AGMO: variants seen among roughly 807,000 people sequenced by gnomAD.
AGMO encodes alkylglycerol monooxygenase, also known as glyceryl-ether monooxygenase.
AGMO carries 75 observed loss-of-function variants against 60.2 expected under a neutral mutation model. The observed-to-expected ratio is 1.25, with a 90% CI of 1.03 to 1.51. The LOEUF is 1.51. Among genes scored for constraint, AGMO ranks in the 40% most tolerant of loss-of-function variants. The probability of loss-of-function intolerance (pLI) is 0.00; values close to 1 mark genes in which losing one functional copy is unlikely to be tolerated. For missense variants in AGMO, 763 were observed against 525.5 expected, an observed-to-expected ratio of 1.45 and a Z score of -4.42; for synonymous variants, 261 against 177.1, an observed-to-expected ratio of 1.47 and a Z score of -3.76.
At chr7:15,171,157 A>G in the AGMO span, among the ~76,000 whole-genome samples, 1 of 151,732 alleles carries the variant, frequency 6.6e-6, no homozygotes, top group African/African-American at 2.4e-5. Context: ...AATTTTTTGT[A>G]TTTTTAGTAG....
intron 12 of AGMO, among the ~76,000 whole-genome samples, chr7:15,315,328 CTTTTTTTTTTTTTTTT>C (rs1178276622): frequency 6.2e-5 from 3 of 48,198 alleles, no homozygotes; most frequent in East Asian, 7.4e-4. Flanking sequence ...TGGATATTTG[CTTTTTTTTTTTTTTTT>C]TTTTTTTTTT....
chr7:15,418,521 T>C (rs771682929), intron 5 of AGMO, 37 bp downstream of exon 5: 3 of 1,291,134 alleles, frequency 2.3e-6, no homozygotes, highest in African/African-American at 1.5e-5. Flanking sequence ...TCAGGCTGTT[T>C]AGGTATAAAA....
intron 3 of AGMO, among the ~76,000 whole-genome samples, chr7:15,465,143 T>C (rs1025763683): frequency 1.3e-5 from 2 of 152,056 alleles, no homozygotes; most frequent in African/African-American, 4.8e-5. Flanking sequence ...GGTTTTGTTT[T>C]TGAGTAGCCT....
At chr7:15,142,833 T>C in the AGMO span, among the ~76,000 whole-genome samples, 1 of 152,184 alleles carries the variant, frequency 6.6e-6, no homozygotes, top group African/African-American at 2.4e-5. Flanking sequence ...ATACTTAATA[T>C]TTATTGAATG....
chr7:15,476,197 G>A (rs1366015240), intron 3 of AGMO, among the ~76,000 whole-genome samples: 1 of 152,112 alleles, frequency 6.6e-6, no homozygotes, highest in African/African-American at 2.4e-5. Flanking sequence ...AAGAATCCTT[G>A]CTGCTCGAGT....
At chr7:15,474,118 A>G (rs926566517) in intron 3 of AGMO, among the ~76,000 whole-genome samples, 1 of 152,156 alleles carries the variant, frequency 6.6e-6, no homozygotes, top group Admixed American at 6.5e-5. Flanking sequence ...GAAAATGGCT[A>G]TACTGCCCAA....
intron 3 of AGMO, among the ~76,000 whole-genome samples, chr7:15,529,030 C>G (rs1034111594): frequency 4.6e-5 from 7 of 151,786 alleles, no homozygotes; most frequent in African/African-American, 1.7e-4. Flanking sequence ...TTAAAAGACA[C>G]AAAAAGACAA....
At chr7:15,549,463 T>C (rs576053479) in intron 2 of AGMO, among the ~76,000 whole-genome samples, 1 of 151,884 alleles carries the variant, frequency 6.6e-6, no homozygotes. Flanking sequence ...AATAAAAGGA[T>C]GGAGGAAGAC....
chr7:15,342,905 T>C (rs1359340468), intron 12 of AGMO, among the ~76,000 whole-genome samples: 2 of 151,634 alleles, frequency 1.3e-5, no homozygotes, highest in East Asian at 2.0e-4. Context: ...GTGTGGTTAA[T>C]AATAGGTACT....
chr7:15,507,443 G>A (rs1411782481), intron 3 of AGMO, among the ~76,000 whole-genome samples: 49 of 152,162 alleles, frequency 3.2e-4, no homozygotes, highest in South Asian at 2.1e-4. Context: ...TAGGAATTAC[G>A]TAGGACAGAG....
chr7:15,244,185 A>G (rs1782675922), intron 12 of AGMO, among the ~76,000 whole-genome samples: 1 of 152,070 alleles, frequency 6.6e-6, no homozygotes, highest in Non-Finnish European at 1.5e-5. Flanking sequence ...TACAATAAAT[A>G]GAAGGATACA....
At chr7:15,498,763 G>C (rs1283086272) in intron 3 of AGMO, among the ~76,000 whole-genome samples, 1 of 151,866 alleles carries the variant, frequency 6.6e-6, no homozygotes, top group Non-Finnish European at 1.5e-5. Flanking sequence ...ATGGTATCTG[G>C]TTTCTGTTTT....
intron 12 of AGMO, among the ~76,000 whole-genome samples, chr7:15,230,298 C>T (rs1177489092): frequency 2.6e-5 from 4 of 152,086 alleles, no homozygotes; most frequent in Non-Finnish European, 4.4e-5. Context: ...CATTTTTTCC[C>T]CTTACAGTTA....
intron 12 of AGMO, among the ~76,000 whole-genome samples, chr7:15,291,524 A>C (rs1349363077): frequency 6.6e-6 from 1 of 152,166 alleles, no homozygotes; most frequent in Non-Finnish European, 1.5e-5. Context: ...AGGAGAAAGA[A>C]ACTCTTTAGA....
At chr7:15,333,300 T>A (rs1264066379) in intron 12 of AGMO, among the ~76,000 whole-genome samples, 1 of 152,152 alleles carries the variant, frequency 6.6e-6, no homozygotes, top group African/African-American at 2.4e-5. Flanking sequence ...GAAAAAGGCT[T>A]CGTGTGTACT....
intron 12 of AGMO, among the ~76,000 whole-genome samples, chr7:15,205,538 C>T (rs1781417649): frequency 6.6e-6 from 1 of 152,052 alleles, no homozygotes; most frequent in Admixed American, 6.6e-5. Context: ...CCCTGAATCA[C>T]TAATAAGATG....
intron 4 of AGMO, among the ~76,000 whole-genome samples, chr7:15,419,240 G>A (rs985926427): frequency 6.6e-6 from 1 of 151,720 alleles, no homozygotes. Context: ...AATTTTAAAG[G>A]TCCATATTAC....
the AGMO span, among the ~76,000 whole-genome samples, chr7:15,136,885 G>T: frequency 6.6e-6 from 1 of 151,604 alleles, no homozygotes; most frequent in Admixed American, 6.6e-5. Context: ...TGCTATACAG[G>T]TGTTCCACAG....
chr7:15,558,175 C>A (rs570280103), intron 2 of AGMO, among the ~76,000 whole-genome samples: 9 of 151,514 alleles, frequency 5.9e-5, no homozygotes, highest in Admixed American at 4.0e-4. Context: ...CTGGTACTTA[C>A]AATGTTATGA....
Sources: allele counts gnomAD v4.1 joint callset (sites outside exome capture counted in the v4.1 genomes callset), GRCh38; gene constraint gnomAD v4.1.1; transcripts MANE v1.5; gene names NCBI Gene and HGNC (gene_info 2026-07-23, HGNC 2026-07-21).